CACNA1B: variants seen among roughly 807,000 people sequenced by gnomAD.
CACNA1B encodes the protein voltage-dependent N-type calcium channel subunit alpha-1B.
CACNA1B carries 70 observed loss-of-function variants against 247.2 expected under a neutral mutation model. That is an observed-to-expected ratio of 0.28 (90% CI 0.23 to 0.35). The LOEUF (loss-of-function observed/expected upper bound fraction) is 0.35, where lower values mean the gene tolerates loss of function less well. CACNA1B is among the 10% of genes least tolerant of loss of function. The pLI is 1.00. For synonymous variants in CACNA1B, 1,231 were observed against 1,294.4 expected (o/e 0.95, Z 1.05); for missense variants, 2,367 against 3,197.4 (o/e 0.74, Z 6.26).
At chr9:138,095,893 ATAGAC>A (rs1317206976) in intron 36 of CACNA1B, among the ~76,000 whole-genome samples, 1 of 148,384 alleles carries the variant, frequency 6.7e-6, no homozygotes, top group Non-Finnish European at 1.5e-5. Flanking sequence ...AAATTCCAGA[ATAGAC>A]AAAGCCATAG....
chr9:138,067,144 A>T (rs774320576), intron 31 of CACNA1B, among the ~76,000 whole-genome samples: 5 of 152,230 alleles, frequency 3.3e-5, no homozygotes, highest in Admixed American at 1.3e-4. Context: ...ACACATTACT[A>T]GAAAAATATA....
Position 137,888,733 on chromosome 9 carries a change from G to A in CACNA1B, c.530+5850G>A, listed in dbSNP as rs1957053366. 6.6e-6 allele frequency among the ~76,000 whole-genome samples: 1 copy of A among 152,226 alleles called. No individual in the cohort carries two copies. Among genetic ancestry groups the A allele is most frequent in the Non-Finnish European group, 1.5e-5 (1 of 68,034 alleles). On this transcript the variant is annotated intron_variant, in intron 3 of 46. Transcript: ENST00000371372. This position sits in a 1 kb window ranked among gnomAD's most constrained non-coding sequence, Gnocchi z 4.7. Reference sequence around the variant, plus strand: ...GGAGTCTGGTCAGCGGAGCTCAGGGGCCGAGGCACTGCTGACCCTGAGCTT... The same window carrying A: ...GGAGTCTGGTCAGCGGAGCTCAGGGACCGAGGCACTGCTGACCCTGAGCTT...
intron 39 of CACNA1B, among the ~76,000 whole-genome samples, chr9:138,106,382 C>G (rs1961428927): frequency 6.6e-6 from 1 of 152,178 alleles, no homozygotes; most frequent in Non-Finnish European, 1.5e-5. Flanking sequence ...CTTACGTCTC[C>G]CCAAGGGTGC....
At chr9:138,031,062 A>G (rs1197701166) in intron 20 of CACNA1B, among the ~76,000 whole-genome samples, 1 of 150,640 alleles carries the variant, frequency 6.6e-6, no homozygotes, top group Admixed American at 6.6e-5. Flanking sequence ...TCTGCTGTTT[A>G]TTATTTCCTT....
Position 138,014,073 on chromosome 9 carries a change from G to A in CACNA1B, c.2267+838G>A, listed in dbSNP as rs527812513. Among the ~76,000 whole-genome samples, 48 of 152,368 alleles carry A rather than the reference G, an allele frequency of 3.2e-4. No homozygotes were observed. Among genetic ancestry groups the A allele is most frequent in the African/African-American group, 1.1e-3 (44 of 41,588 alleles). On this transcript the variant is annotated intron_variant, in intron 18 of 46. Coordinates refer to ENST00000371372, the MANE Select transcript of CACNA1B (RefSeq NM_000718.4). This position sits in a 1 kb window ranked among gnomAD's most constrained non-coding sequence, Gnocchi z 6.2. The stretch of plus-strand genomic sequence containing the variant: ...TGCCGTGAACACGGAACACAGGGCC[G>A]GGTGCAGCCACAGGTGCATCTGTAG...
At chr9:138,000,496 C>G (rs1232003083) in intron 15 of CACNA1B, among the ~76,000 whole-genome samples, 1 of 152,176 alleles carries the variant, frequency 6.6e-6, no homozygotes, top group African/African-American at 2.4e-5. Flanking sequence ...AGAAATTTAA[C>G]AGACAGTCAA....
At chr9:137,947,953 A>G (rs1228808215) in intron 6 of CACNA1B, among the ~76,000 whole-genome samples, 1 of 147,268 alleles carries the variant, frequency 6.8e-6, no homozygotes, top group Non-Finnish European at 1.5e-5. Flanking sequence ...CTCTTGCTAA[A>G]GTTGAGAAGT....
chr9:138,096,641 T>C, intron 37 of CACNA1B, 30 bp downstream of exon 37: 1 of 1,602,276 alleles, frequency 6.2e-7, no homozygotes, highest in Non-Finnish European at 8.5e-7. Context: ...CTGTGGTCCT[T>C]GGGGGTGGTC....
chr9:138,070,208 T>C (rs1490904599), intron 32 of CACNA1B, among the ~76,000 whole-genome samples: 1 of 152,226 alleles, frequency 6.6e-6, no homozygotes, highest in African/African-American at 2.4e-5. Flanking sequence ...AGGCCCCGCT[T>C]TGCCCAGGTG....
chr9:137,969,262 C>T (rs766160759), intron 10 of CACNA1B, among the ~76,000 whole-genome samples: 7 of 152,180 alleles, frequency 4.6e-5, no homozygotes, highest in Non-Finnish European at 1.0e-4. Flanking sequence ...TCTCTAAAGT[C>T]GATGTTTACA....
intron 18 of CACNA1B, 133 bp downstream of exon 18, chr9:138,013,368 C>T: frequency 1.6e-6 from 1 of 619,942 alleles, no homozygotes; most frequent in South Asian, 2.0e-5. Context: ...AGGACACAGC[C>T]CCTCCTCGGA....
chr9:138,076,855 T>C (rs1210062620), intron 35 of CACNA1B, among the ~76,000 whole-genome samples: 3 of 152,226 alleles, frequency 2.0e-5, no homozygotes, highest in African/African-American at 7.2e-5. Flanking sequence ...GACCCAGACC[T>C]GCTTTGCTGA....
intron 7 of CACNA1B, among the ~76,000 whole-genome samples, chr9:137,953,203 CCTA>C (rs1957899344): frequency 6.6e-6 from 1 of 152,196 alleles, no homozygotes; most frequent in Non-Finnish European, 1.5e-5. Context: ...GGGCTCCTGC[CCTA>C]CCACAGGGCA....
At chr9:137,941,711 C>CA (rs1957734136) in intron 6 of CACNA1B, among the ~76,000 whole-genome samples, 3 of 151,910 alleles carry the variant, frequency 2.0e-5, no homozygotes, top group Non-Finnish European at 4.4e-5. Context: ...TTACAGCAAG[C>CA]AAAAAGATAA....
chr9:137,917,493 T>G lies in CACNA1B; in HGVS notation c.966+62T>G, dbSNP rs1011560278. ...CCTGGACCTCCTGAGCTGGTGCCTC[T>G]GGGGGTCCATTTAGGGGGGCCCTTC... is the stretch of plus-strand genomic sequence containing the variant. On this transcript the variant is annotated intron_variant, in intron 6 of 46. Coordinates refer to ENST00000371372, the MANE Select transcript of CACNA1B (RefSeq NM_000718.4). The surrounding 1 kb of genome is among the most constrained non-coding windows in gnomAD (Gnocchi z 5.5). 1.5e-5 allele frequency: 22 copies of G among 1,459,632 alleles called. No homozygotes were observed. In the East Asian group the frequency reaches 1.6e-4, roughly 11 times the overall value. 90.4% of individuals were successfully genotyped at this position (1,459,632 alleles called of 1,614,324 possible).
At position 138,123,351 on chromosome 9, in the gene CACNA1B, T is replaced by G. The variant is rs978254260; in HGVS notation, c.*1352T>G. On this transcript the variant is annotated 3_prime_UTR_variant, in exon 47 of 47. Transcript: ENST00000371372. ...AGGGAGCAGGCAGTCAAGTGAGGTC[T>G]GACCCCCATGGCCACGCTCAGGAGA... is the stretch of plus-strand genomic sequence containing the variant. 1 of 152,374 alleles carries G rather than the reference T, an allele frequency of 6.6e-6. No individual in the cohort carries two copies. The highest frequency in any genetic ancestry group is 1.5e-5 in the Non-Finnish European group (1 of 68,134). 9.4% of individuals were successfully genotyped at this position (152,374 alleles called of 1,614,324 possible). A position where few individuals can be genotyped will look rare whatever the true frequency, so the allele number is the denominator to read the frequency against.
At chr9:137,915,379 A>G (rs1957398428) in intron 5 of CACNA1B, among the ~76,000 whole-genome samples, 1 of 152,206 alleles carries the variant, frequency 6.6e-6, no homozygotes, top group African/African-American at 2.4e-5. Context: ...GGCTGGGGCC[A>G]GGGTGTTGTG....
chr9:138,014,685 C>T lies in CACNA1B; in HGVS notation c.2267+1450C>T, dbSNP rs919325177. 6.6e-6 allele frequency among the ~76,000 whole-genome samples: 1 copy of T among 152,084 alleles called. No individual in the cohort carries two copies. Among genetic ancestry groups the T allele is most frequent in the East Asian group, 1.9e-4 (1 of 5,182 alleles). On this transcript the variant is annotated intron_variant, in intron 18 of 46. Coordinates refer to ENST00000371372, the MANE Select transcript of CACNA1B (RefSeq NM_000718.4). The surrounding 1 kb of genome is among the most constrained non-coding windows in gnomAD (Gnocchi z 6.2). ...GGCGAGTGGTGTGTTCAGCTCCTGG[C>T]CTCGCGCAGGCCTCGTGTTGTTCTC...
Position 138,034,267 on chromosome 9 carries a change from G to A in CACNA1B, c.3286+9095G>A, listed in dbSNP as rs1031269994. On this transcript the variant is annotated intron_variant, in intron 20 of 46. Coordinates refer to ENST00000371372, the MANE Select transcript of CACNA1B (RefSeq NM_000718.4). ...GTGAGACGTGACGTCTAGGCTCCCC[G>A]TGTGATCTCTACTGGCATTGTGTGT... Among the ~76,000 whole-genome samples the A allele has an allele frequency of 3.3e-5, 5 of 152,000 alleles. No individual in the cohort carries two copies. The East Asian group carries it at 7.7e-4, about 23-fold the overall frequency.
Sources: gnomAD v4.1 joint callset for allele counts (sites outside exome capture counted in the v4.1 genomes callset) on GRCh38, gnomAD v4.1.1 for gene constraint, Gnocchi (gnomAD v3.1) non-coding constraint, MANE v1.5 for transcripts, NCBI Gene and HGNC (gene_info 2026-07-23, HGNC 2026-07-21) for gene names.